The following HSD17B3 variants were observed in gnomAD, a reference collection of about 807,000 sequenced individuals.
HSD17B3 encodes the protein hydroxysteroid 17-beta dehydrogenase 3.
Under a neutral mutation model 41.1 loss-of-function variants are expected in HSD17B3, and 29 were observed. The observed-to-expected ratio is 0.71, with a 90% CI of 0.53 to 0.96. HSD17B3 has a LOEUF of 0.96. Ranked by LOEUF, HSD17B3 falls within the 40% of genes least tolerant of loss-of-function variation. The pLI is 0.00. For missense variants in HSD17B3, 323 were observed against 374.6 expected (o/e 0.86, Z 1.14); for synonymous variants, 126 against 145.6 (o/e 0.87, Z 0.97).
intron 2 of HSD17B3, among the ~76,000 whole-genome samples, chr9:96,260,710 A>G (rs889910426): frequency 2.0e-5 from 3 of 152,206 alleles, no homozygotes; most frequent in African/African-American, 4.8e-5. Context: ...GGTTGTAGTG[A>G]GCCGAGATCG....
chr9:96,284,763 G>T (rs967347222), intron 2 of HSD17B3, among the ~76,000 whole-genome samples: 3 of 152,052 alleles, frequency 2.0e-5, no homozygotes, highest in Non-Finnish European at 2.9e-5. Flanking sequence ...GTATTTGAGG[G>T]TACAAACCCA....
Position 96,240,767 on chromosome 9 carries a change from A to G in HSD17B3, c.813T>C (p.His271=), listed in dbSNP as rs148137553. The G allele has an allele frequency of 6.2e-7, 1 of 1,614,100 alleles. No individual in the cohort carries two copies. Among genetic ancestry groups the G allele is most frequent in the Non-Finnish European group, 8.5e-7 (1 of 1,179,948 alleles). Residue 271 remains histidine, a synonymous_variant, in exon 10 of 11, where the codon CAT becomes CAC. Transcript: ENST00000375263. ...IGGETCGCLA[H]EILAGFLSLI... is the part of the protein sequence containing the mutation. ...AGAAGTTATCAATTACCAAGATTTC[A>G]TGGGCAAGGCAGCCACAGGTTTCAC...
At chr9:96,282,992 CTTTTTTTTTTTTTTTT>C (rs58397134) in intron 2 of HSD17B3, among the ~76,000 whole-genome samples, 5 of 71,692 alleles carry the variant, frequency 7.0e-5, no homozygotes, top group African/African-American at 2.0e-4. Flanking sequence ...AGGTTTCTTT[CTTTTTTTTTTTTTTTT>C]TTTTTTTTTT....
At chr9:96,301,928 C>A (rs1049054724) in intron 1 of HSD17B3, 23 bp downstream of exon 1, 1 of 1,599,202 alleles carries the variant, frequency 6.3e-7, no homozygotes, top group Non-Finnish European at 8.6e-7. Flanking sequence ...AGCAAAAAAA[C>A]ATGAGATGGA....
intron 2 of HSD17B3, among the ~76,000 whole-genome samples, chr9:96,279,411 G>A (rs1357230822): frequency 1.3e-5 from 2 of 152,194 alleles, no homozygotes; most frequent in Non-Finnish European, 2.9e-5. Context: ...TTGGTAATTG[G>A]TTGAAAAAGT....
At chr9:96,268,450 T>C (rs116989052) in intron 2 of HSD17B3, among the ~76,000 whole-genome samples, 3,568 of 152,250 alleles carry the variant, frequency 0.023, 196 homozygotes, top group Admixed American at 0.13. Flanking sequence ...TTAACTCAAG[T>C]AGTTCTACCA....
intron 2 of HSD17B3, among the ~76,000 whole-genome samples, chr9:96,281,649 T>G (rs1164288955): frequency 1.2e-4 from 18 of 152,216 alleles, no homozygotes; most frequent in Non-Finnish European, 2.6e-4. Context: ...TTTCGCTCTT[T>G]GCTAATGGCT....
At chr9:96,261,703 G>C (rs1350386653) in intron 2 of HSD17B3, among the ~76,000 whole-genome samples, 2 of 152,242 alleles carry the variant, frequency 1.3e-5, no homozygotes, top group Admixed American at 6.5e-5. Flanking sequence ...GACCCAGAGA[G>C]GGAGACACGC....
chr9:96,243,335 G>A (rs930555103), intron 9 of HSD17B3, among the ~76,000 whole-genome samples: 1 of 152,172 alleles, frequency 6.6e-6, no homozygotes, highest in Non-Finnish European at 1.5e-5. Context: ...CAGAGAAAGG[G>A]ACTGTGACCC....
At chr9:96,250,321 G>A (rs1030206962) in intron 5 of HSD17B3, 67 of 1,079,188 alleles carry the variant, frequency 6.2e-5, no homozygotes, top group Non-Finnish European at 6.9e-5. Flanking sequence ...TTGAAGAGAC[G>A]TAGATTTGTG....
chr9:96,235,898 T>C (rs544109032), intron 10 of HSD17B3, among the ~76,000 whole-genome samples: 1 of 152,034 alleles, frequency 6.6e-6, no homozygotes, highest in African/African-American at 2.4e-5. Context: ...CTCAACCTCC[T>C]GGGCTCAAGG....
chr9:96,254,402 C>T (rs1825544904), intron 3 of HSD17B3, among the ~76,000 whole-genome samples: 1 of 152,208 alleles, frequency 6.6e-6, no homozygotes, highest in Non-Finnish European at 1.5e-5. Flanking sequence ...ATATGCTGTA[C>T]ACTTTCATAT....
At chr9:96,295,461 A>T (rs957836245) in intron 2 of HSD17B3, among the ~76,000 whole-genome samples, 1 of 151,772 alleles carries the variant, frequency 6.6e-6, no homozygotes, top group African/African-American at 2.4e-5. Context: ...CAGCCTCCCA[A>T]GTAGCTGGGA....
chr9:96,302,126 T>G lies in HSD17B3; in HGVS notation c.-22A>C. ...CCATGGCTGCACTCAACAGACTGTTTCAGCCCTGGCCGTGGCTCTCTGTGT... is the reference window on the plus strand; with the variant it reads ...CCATGGCTGCACTCAACAGACTGTTGCAGCCCTGGCCGTGGCTCTCTGTGT... On this transcript the variant is annotated 5_prime_UTR_variant, in exon 1 of 11. Coordinates refer to ENST00000375263, the MANE Select transcript of HSD17B3 (RefSeq NM_000197.2). 6.2e-7 allele frequency: 1 copy of G among 1,613,262 alleles called. No homozygotes were observed. The highest frequency in any genetic ancestry group is 8.5e-7 in the Non-Finnish European group (1 of 1,179,612).
intron 2 of HSD17B3, among the ~76,000 whole-genome samples, chr9:96,296,300 T>C (rs1827356664): frequency 6.6e-6 from 1 of 152,150 alleles, no homozygotes; most frequent in African/African-American, 2.4e-5. Context: ...CTCTCTGCTC[T>C]CTGCCGTGTG....
intron 10 of HSD17B3, among the ~76,000 whole-genome samples, chr9:96,237,552 C>T (rs1372860695): frequency 5.9e-5 from 9 of 152,200 alleles, no homozygotes; most frequent in Non-Finnish European, 1.0e-4. Flanking sequence ...GGTCCCAGCC[C>T]CATGCTCCCT....
rs869145717 is a variant in HSD17B3 at position 96,255,367 on chromosome 9, CTTTTTTTTTTTTTTTTTTTTTT to C, written c.202-446_202-425del. On this transcript the variant is annotated intron_variant, in intron 2 of 10. Transcript: ENST00000375263. ...AAGCAGTGTTTCTGCCCCAACATTT[CTTTTTTTTTTTTTTTTTTTTTT>C]TTTTTTTTTTTTTTTTTTGCAATAG... 4.4e-3 allele frequency among the ~76,000 whole-genome samples: 242 copies of C among 54,566 alleles called. 2 individuals are homozygous for C. The highest frequency in any genetic ancestry group is 0.012 in the Admixed American group (44 of 3,584). 35.8% of individuals were successfully genotyped at this position (54,566 alleles called of 152,430 possible). A position where few individuals can be genotyped will look rare whatever the true frequency, so the allele number is the denominator to read the frequency against.
intron 2 of HSD17B3, among the ~76,000 whole-genome samples, chr9:96,274,067 C>G (rs895697700): frequency 6.6e-6 from 1 of 151,908 alleles, no homozygotes; most frequent in Non-Finnish European, 1.5e-5. Context: ...AGTAAGTGGC[C>G]CCAAGGAAAT....
At chr9:96,288,056 G>A (rs139115977) in intron 2 of HSD17B3, among the ~76,000 whole-genome samples, 16 of 152,328 alleles carry the variant, frequency 1.1e-4, no homozygotes, top group African/African-American at 3.1e-4. Flanking sequence ...CACGGAGAAC[G>A]GCATGTTGTA....
Sources: allele counts gnomAD v4.1 joint callset (sites outside exome capture counted in the v4.1 genomes callset), GRCh38; gene constraint gnomAD v4.1.1; transcripts MANE v1.5; gene names NCBI Gene and HGNC (gene_info 2026-07-23, HGNC 2026-07-21).